The following NTRK2 variants were observed in gnomAD, a reference collection of about 807,000 sequenced individuals.
The protein encoded by NTRK2 is BDNF/NT-3 growth factors receptor.
NTRK2 carries 13 observed loss-of-function variants against 94.5 expected under a neutral mutation model. The observed-to-expected ratio is 0.14, with a 90% CI of 0.09 to 0.22. The LOEUF (loss-of-function observed/expected upper bound fraction) is 0.22, where lower values mean the gene tolerates loss of function less well. NTRK2 is among the 10% of genes least tolerant of loss of function. The probability of loss-of-function intolerance (pLI) is 1.00; values close to 1 mark genes in which losing one functional copy is unlikely to be tolerated. For synonymous variants in NTRK2, 372 were observed against 407.4 expected, an observed-to-expected ratio of 0.91 and a Z score of 1.05; for missense variants, 639 against 1,071.2, an observed-to-expected ratio of 0.60 and a Z score of 5.63.
intron 12 of NTRK2, chr9:84,814,011 A>T: frequency 9.4e-7 from 1 of 1,065,252 alleles, no homozygotes; most frequent in Non-Finnish European, 1.1e-6. Context: ...GAGGCTAAGA[A>T]AGGTTCATCT....
chr9:84,940,368 C>T (rs1182661389), intron 15 of NTRK2, among the ~76,000 whole-genome samples: 2 of 152,138 alleles, frequency 1.3e-5, no homozygotes, highest in Admixed American at 6.6e-5. Context: ...ATCATCTCGG[C>T]AGGAGACATC....
rs80319556 is a variant in NTRK2 at position 84,841,279 on chromosome 9, C to T, written c.1397-19761C>T. ...TACACTTGGCATGACCAACACAGAG[C>T]GCTGAGCTGTCCCATGAGATGTGAC... On this transcript the variant is annotated intron_variant, in intron 12 of 18. Transcript: ENST00000277120. 4.6e-3 allele frequency among the ~76,000 whole-genome samples: 696 copies of T among 152,288 alleles called. 6 individuals carry two copies. Among genetic ancestry groups the T allele is most frequent in the Non-Finnish European group, 3.5e-3 (240 of 68,014 alleles).
intron 14 of NTRK2, among the ~76,000 whole-genome samples, chr9:84,886,817 G>C (rs1337751830): frequency 6.6e-6 from 1 of 152,130 alleles, no homozygotes; most frequent in Non-Finnish European, 1.5e-5. Flanking sequence ...ACTTTTCACT[G>C]GGTAATGTAA....
chr9:84,874,897 T>C, intron 14 of NTRK2: 2 of 1,057,148 alleles, frequency 1.9e-6, no homozygotes, highest in Non-Finnish European at 2.3e-6. Flanking sequence ...CCAGTTGGTA[T>C]AGGCCCAATG....
At chr9:84,944,211 T>TCACA (rs1226529948) in intron 15 of NTRK2, among the ~76,000 whole-genome samples, 38 of 139,038 alleles carry the variant, frequency 2.7e-4, no homozygotes, top group African/African-American at 1.1e-3. Context: ...TCTCTCTCTC[T>TCACA]CTCTCACACA....
At position 85,021,298 on chromosome 9, in the gene NTRK2, C is replaced by T. The variant is rs988042143; in HGVS notation, c.2378C>T (p.Thr793Met). The T allele has an allele frequency of 1.2e-5, 19 of 1,614,020 alleles. No homozygotes were observed. Among genetic ancestry groups the T allele is most frequent in the Non-Finnish European group, 1.5e-5 (18 of 1,180,028 alleles). Residue 793 changes from threonine to methionine, a missense_variant, in exon 19 of 19, where the codon ACG becomes ATG. By Grantham distance (81) the Thr-to-Met change is moderately conservative. Around this residue, in one of 5 missense-constraint regions of NTRK2, gnomAD observed 77 missense variants for 203.6 expected, o/e 0.38. Transcript: ENST00000277120. ...TQGRVLQRPRTCPQEVYELML... is the reference protein window; with the variant it reads ...TQGRVLQRPRMCPQEVYELML... ...GGCCGAGTCCTGCAGCGACCCCGCACGTGCCCCCAGGAGGTGTATGAGCTG... is the reference window on the plus strand; with the variant it reads ...GGCCGAGTCCTGCAGCGACCCCGCATGTGCCCCCAGGAGGTGTATGAGCTG...
chr9:84,860,908 T>C (rs952948087), intron 12 of NTRK2, 132 bp from the exon 13 acceptor site: 5 of 453,068 alleles, frequency 1.1e-5, no homozygotes, highest in Non-Finnish European at 1.9e-5. Flanking sequence ...TATTTATTTA[T>C]TTATTTATTT....
chr9:84,757,627 C>T lies in NTRK2; in HGVS notation c.1396+5542C>T, dbSNP rs372394403. On this transcript the variant is annotated intron_variant, in intron 12 of 18. Transcript: ENST00000277120. ...GTCTGTAATGGGACAATACTAATAC[C>T]TAACCCATAGGGTTGTTATGAAGAC... Among the ~76,000 whole-genome samples the T allele has an allele frequency of 3.9e-5, 6 of 152,212 alleles. No homozygotes were observed. In the East Asian group the frequency reaches 7.7e-4, roughly 20 times the overall value.
intron 14 of NTRK2, among the ~76,000 whole-genome samples, chr9:84,924,139 G>A (rs2077661073): frequency 6.6e-6 from 1 of 151,454 alleles, no homozygotes; most frequent in African/African-American, 2.4e-5. Context: ...TTGAATCCAG[G>A]AGGTTGAGGC....
At chr9:84,749,067 A>G (rs2064349929) in intron 11 of NTRK2, among the ~76,000 whole-genome samples, 1 of 152,122 alleles carries the variant, frequency 6.6e-6, no homozygotes, top group Non-Finnish European at 1.5e-5. Flanking sequence ...CGTCTCTACT[A>G]AAAATACAAA....
chr9:84,680,617 C>G (rs1466673632), intron 2 of NTRK2, among the ~76,000 whole-genome samples: 1 of 152,176 alleles, frequency 6.6e-6, no homozygotes, highest in African/African-American at 2.4e-5. Context: ...AGAATTGAAG[C>G]AGGTTCATGT....
rs752446849 is a variant in NTRK2 at position 84,955,564 on chromosome 9, G to A, written c.2172+47G>A. ...AGACCCCAGGGACCTCTTTCCCTGCGGGACCCCTGCTGTATTTGTTTGCTG... is the reference window on the plus strand; with the variant it reads ...AGACCCCAGGGACCTCTTTCCCTGCAGGACCCCTGCTGTATTTGTTTGCTG... On this transcript the variant is annotated intron_variant, in intron 17 of 18. Transcript: ENST00000277120. 44 of 1,468,452 alleles carry A rather than the reference G, an allele frequency of 3.0e-5. No individual in the cohort carries two copies. In the Middle Eastern group the frequency reaches 5.1e-4, roughly 17 times the overall value. 91.0% of individuals were successfully genotyped at this position (1,468,452 alleles called of 1,614,324 possible).
chr9:84,865,861 G>A (rs1044915830), intron 13 of NTRK2, among the ~76,000 whole-genome samples: 2 of 152,194 alleles, frequency 1.3e-5, no homozygotes, highest in Non-Finnish European at 2.9e-5. Flanking sequence ...GACAGTGCCT[G>A]TCATGAGCCA....
intron 14 of NTRK2, among the ~76,000 whole-genome samples, chr9:84,869,299 T>G (rs2075736406): frequency 6.6e-6 from 1 of 152,066 alleles, no homozygotes; most frequent in African/African-American, 2.4e-5. Flanking sequence ...CAACCTCCAT[T>G]TGGTCACTCC....
intron 13 of NTRK2, among the ~76,000 whole-genome samples, chr9:84,865,766 C>A (rs1326592937): frequency 3.9e-5 from 6 of 152,188 alleles, no homozygotes; most frequent in Non-Finnish European, 7.3e-5. Flanking sequence ...TATTCTTTCT[C>A]TGGGCTTGTG....
chr9:84,960,605 C>G (rs1001077208), intron 17 of NTRK2, among the ~76,000 whole-genome samples: 1 of 152,140 alleles, frequency 6.6e-6, no homozygotes. Flanking sequence ...TTTTTACCAT[C>G]TTGTTTTGTC....
chr9:84,871,055 C>T (rs765306770), intron 14 of NTRK2, among the ~76,000 whole-genome samples: 16 of 152,114 alleles, frequency 1.1e-4, no homozygotes, highest in Non-Finnish European at 1.5e-4. Flanking sequence ...ATACTAGGAA[C>T]GAGAGATCTC....
chr9:84,936,446 C>A (rs908217354), intron 15 of NTRK2, among the ~76,000 whole-genome samples: 1 of 152,178 alleles, frequency 6.6e-6, no homozygotes, highest in South Asian at 2.1e-4. Context: ...ACATCTTATG[C>A]CATTCCAGTT....
chr9:84,955,379 G>A lies in NTRK2; in HGVS notation c.2034G>A (p.Ala678=), dbSNP rs1306775992. The change falls in exon 17 of 19, where the codon GCG becomes GCA. Residue 678 remains alanine, a synonymous_variant. Transcript: ENST00000277120. ...QMLHIAQQIA[A]GMVYLASQHF... is the part of the protein sequence containing the mutation. ...TGCATATAGCCCAGCAGATCGCCGC[G>A]GGCATGGTCTACCTGGCGTCCCAGC... 7.4e-6 allele frequency: 12 copies of A among 1,614,064 alleles called. No homozygotes were observed. Among genetic ancestry groups the A allele is most frequent in the Admixed American group, 1.7e-5 (1 of 60,008 alleles).
Sources: allele counts gnomAD v4.1 joint callset (sites outside exome capture counted in the v4.1 genomes callset), GRCh38; gene constraint gnomAD v4.1.1; regional missense constraint gnomAD v4.1.1; transcripts MANE v1.5; gene names NCBI Gene and HGNC (gene_info 2026-07-23, HGNC 2026-07-21).